DENND1B: variants seen among roughly 807,000 people sequenced by gnomAD.
DENND1B encodes the protein DENN domain containing 1B, also known as DENN domain-containing protein 1B.
Under a neutral mutation model 90.1 loss-of-function variants are expected in DENND1B, and 59 were observed. The ratio of observed to expected loss-of-function variants is 0.65; its 90% CI spans 0.53 to 0.81. DENND1B has a LOEUF of 0.81. Among genes scored for constraint, DENND1B ranks in the 40% least tolerant of loss-of-function variants. DENND1B has a pLI of 0.00. For missense variants in DENND1B, 862 were observed against 912.6 expected, an observed-to-expected ratio of 0.94 and a Z score of 0.71; for synonymous variants, 337 against 324.6, an observed-to-expected ratio of 1.04 and a Z score of -0.41.
chr1:197,690,583 C>A, intron 3 of DENND1B: 1 of 239,952 alleles, frequency 4.2e-6, no homozygotes, highest in Non-Finnish European at 8.1e-6. Flanking sequence ...AAGAGGGCTG[C>A]TAGAGTTGGG....
At chr1:197,529,256 G>A (rs1265089684) in intron 20 of DENND1B, among the ~76,000 whole-genome samples, 3 of 14,298 alleles carry the variant, frequency 2.1e-4, no homozygotes, top group Admixed American at 1.5e-3. Context: ...GTGTGTGTGT[G>A]TGTGTGTGTG....
intron 10 of DENND1B, among the ~76,000 whole-genome samples, chr1:197,628,208 G>A (rs896050137): frequency 9.1e-4 from 138 of 152,162 alleles, no homozygotes; most frequent in African/African-American, 1.7e-3. Context: ...AAAAGAGCCC[G>A]CATCGCCAAG....
chr1:197,659,799 G>GCC (rs1331537819), intron 5 of DENND1B, among the ~76,000 whole-genome samples: 1 of 151,794 alleles, frequency 6.6e-6, no homozygotes, highest in Non-Finnish European at 1.5e-5. Context: ...AAAGAAAAAA[G>GCC]CCCCTCGAAG....
At chr1:197,645,067 T>C (rs1487260103) in intron 9 of DENND1B, among the ~76,000 whole-genome samples, 2 of 152,222 alleles carry the variant, frequency 1.3e-5, no homozygotes, top group East Asian at 3.9e-4. Context: ...AATACTAATG[T>C]GTAATAACTA....
intron 10 of DENND1B, among the ~76,000 whole-genome samples, chr1:197,622,131 G>C (rs1055008770): frequency 9.2e-5 from 14 of 151,400 alleles, no homozygotes; most frequent in African/African-American, 2.7e-4. Context: ...AAAGGCATTT[G>C]AAACTTCTGG....
intron 2 of DENND1B, among the ~76,000 whole-genome samples, chr1:197,728,600 G>A (rs913369364): frequency 3.7e-4 from 56 of 152,246 alleles, no homozygotes; most frequent in African/African-American, 1.3e-3. Flanking sequence ...AACCATGTTA[G>A]TTATTTCTTC....
intron 16 of DENND1B, among the ~76,000 whole-genome samples, chr1:197,548,316 G>C (rs762371422): frequency 2.0e-5 from 3 of 152,152 alleles, no homozygotes; most frequent in Non-Finnish European, 4.4e-5. Context: ...GTGGGCTTTG[G>C]AGTCCAATGG....
At chr1:197,635,394 G>A (rs1367555307) in intron 10 of DENND1B, among the ~76,000 whole-genome samples, 2 of 152,096 alleles carry the variant, frequency 1.3e-5, no homozygotes, top group Non-Finnish European at 2.9e-5. Context: ...CTGGAATGCA[G>A]TAGAGCGATT....
chr1:197,686,837 A>G (rs1398139048), intron 3 of DENND1B, among the ~76,000 whole-genome samples: 2 of 150,538 alleles, frequency 1.3e-5, no homozygotes, highest in African/African-American at 4.9e-5. Context: ...TTACCTTTCC[A>G]TGGGGAATCT....
intron 18 of DENND1B, among the ~76,000 whole-genome samples, chr1:197,544,861 AGGAGGAGAAGGAGAT>A (rs1335806431): frequency 4.1e-5 from 5 of 122,344 alleles, no homozygotes; most frequent in Admixed American, 9.0e-5. Context: ...AAGAAGAGGA[AGGAGGAGAAGGAGAT>A]GAAGAGGAAG....
intron 19 of DENND1B, among the ~76,000 whole-genome samples, chr1:197,540,280 T>C (rs1372273643): frequency 6.6e-6 from 1 of 151,798 alleles, no homozygotes; most frequent in Admixed American, 6.6e-5. Flanking sequence ...ATCTTAATTA[T>C]TTATACTGAT....
rs1653316690 is a variant in DENND1B, at chr1:197,652,313, T to C, written c.369A>G (p.Glu123=). ...ATCTGAGAGTTTCATTCAAATCATT[T>C]TCCTAGGGCAAAAGAAAAAGTACAT... ...TLADYLAKEL[E]NDLNETLRSL... is the part of the protein sequence containing the mutation. Residue 123 remains glutamate, a splice_region_variant and synonymous_variant, in exon 7 of 23, where the codon GAA becomes GAG. Coordinates refer to ENST00000620048, the MANE Select transcript of DENND1B (RefSeq NM_001195215.2). 2 of 1,608,032 alleles carry C rather than the reference T, an allele frequency of 1.2e-6. No homozygotes were observed. Among genetic ancestry groups the C allele is most frequent in the Non-Finnish European group, 1.7e-6 (2 of 1,178,128 alleles).
chr1:197,575,036 C>T (rs1673535932), intron 15 of DENND1B, among the ~76,000 whole-genome samples: 3 of 152,130 alleles, frequency 2.0e-5, no homozygotes, highest in Admixed American at 1.3e-4. Flanking sequence ...TGGGCAAGGA[C>T]TTCATGACTA....
intron 2 of DENND1B, among the ~76,000 whole-genome samples, chr1:197,749,854 T>C (rs1653237518): frequency 6.6e-6 from 1 of 152,168 alleles, no homozygotes; most frequent in African/African-American, 2.4e-5. Flanking sequence ...GTTTGTTTGT[T>C]TGTTTGTTTT....
At chr1:197,513,071 G>C in intron 20 of DENND1B, 118 bp from the exon 21 acceptor site, 1 of 741,104 alleles carries the variant, frequency 1.3e-6, no homozygotes. Flanking sequence ...TATGCATTCA[G>C]GGTTTTTGAA....
In DENND1B at chr1:197,677,310, G is replaced by T. The variant is rs187938563; in HGVS notation, c.127-3141C>A. Reference sequence around the variant, plus strand: ...CTAAATCTCTTAGTCTTGTAGTTTAGATATTTCTCCAGGATTATGGCTCTA... The same window carrying T: ...CTAAATCTCTTAGTCTTGTAGTTTATATATTTCTCCAGGATTATGGCTCTA... On this transcript the variant is annotated intron_variant, in intron 3 of 22. Transcript: ENST00000620048. Among the ~76,000 whole-genome samples the T allele has an allele frequency of 3.9e-5, 6 of 152,224 alleles. No homozygotes were observed. In the East Asian group the frequency reaches 1.2e-3, roughly 29 times the overall value.
At chr1:197,679,270 A>G (rs1656406439) in intron 3 of DENND1B, among the ~76,000 whole-genome samples, 1 of 151,714 alleles carries the variant, frequency 6.6e-6, no homozygotes, top group South Asian at 2.1e-4. Flanking sequence ...CTAGATTGGA[A>G]GCAGTGCAGA....
chr1:197,607,147 C>T lies in DENND1B; in HGVS notation c.847G>A (p.Val283Ile). The change falls in exon 13 of 23, where the codon GTT becomes ATT. Residue 283 changes from valine to isoleucine, a missense_variant. Coordinates refer to ENST00000620048, the MANE Select transcript of DENND1B (RefSeq NM_001195215.2). The part of the protein sequence containing the change: ...ERVKNKSLED[V>I]VMLNVDTNTL... ...TTTGTATCAACATTTAACATAACAA[C>T]ATCTTCCAATGATTTGTTTTTCACT... The T allele has an allele frequency of 6.3e-7, 1 of 1,591,256 alleles. No individual in the cohort carries two copies. The highest frequency in any genetic ancestry group is 8.5e-7 in the Non-Finnish European group (1 of 1,169,668).
intron 2 of DENND1B, among the ~76,000 whole-genome samples, chr1:197,722,589 T>C (rs932541515): frequency 2.0e-5 from 3 of 152,140 alleles, no homozygotes; most frequent in Non-Finnish European, 2.9e-5. Context: ...GAACAATACT[T>C]GGAAATTTGT....
Sources: gnomAD v4.1 joint callset for allele counts (sites outside exome capture counted in the v4.1 genomes callset) on GRCh38, gnomAD v4.1.1 for gene constraint, MANE v1.5 for transcripts, NCBI Gene and HGNC (gene_info 2026-07-23, HGNC 2026-07-21) for gene names.